Variants in SRD5A3 observed in about 807,000 individuals in gnomAD.
The protein encoded by SRD5A3 is steroid 5 alpha-reductase 3.
Under a neutral mutation model 34.3 loss-of-function variants are expected in SRD5A3, and 24 were observed. The ratio of observed to expected loss-of-function variants is 0.70; its 90% CI spans 0.51 to 0.99. The LOEUF is 0.99. SRD5A3 is among the 50% of genes least tolerant of loss of function. The probability of loss-of-function intolerance (pLI) is 0.00; values close to 1 mark genes in which losing one functional copy is unlikely to be tolerated. For missense variants in SRD5A3, 350 were observed against 388.2 expected, an observed-to-expected ratio of 0.90 and a Z score of 0.83; for synonymous variants, 161 against 167.3, an observed-to-expected ratio of 0.96 and a Z score of 0.29.
At position 55,372,102 on chromosome 4, in the gene SRD5A3, T is replaced by C. The variant is rs1270295479; in HGVS notation, c.*2011T>C. 1 of 152,250 alleles carries C rather than the reference T, an allele frequency of 6.6e-6. No homozygotes were observed. The highest frequency in any genetic ancestry group is 2.1e-4 in the South Asian group (1 of 4,834). The allele number at this position is 152,250 out of a possible 1,614,324, so 9.4% of individuals were successfully genotyped here. Reference sequence around the variant, plus strand: ...TTTACTTATCATTTAGAATTTGCCATTCTCAGGAACAAAACTTTTTGTACA... The same window carrying C: ...TTTACTTATCATTTAGAATTTGCCACTCTCAGGAACAAAACTTTTTGTACA... On this transcript the variant is annotated 3_prime_UTR_variant, in exon 5 of 5. Coordinates refer to ENST00000264228, the MANE Select transcript of SRD5A3 (RefSeq NM_024592.5).
chr4:55,351,950 C>T (rs976606399), intron 1 of SRD5A3: 2 of 734,212 alleles, frequency 2.7e-6, no homozygotes, highest in Admixed American at 1.7e-5. Context: ...CAATATAAAA[C>T]TTATGCTGAA....
intron 1 of SRD5A3, among the ~76,000 whole-genome samples, chr4:55,351,374 G>T (rs1719186429): frequency 6.6e-6 from 1 of 152,014 alleles, no homozygotes. Context: ...GTCTGGCCTG[G>T]CCTAACATTT....
Position 55,372,985 on chromosome 4 carries a change from A to G in SRD5A3, c.*2894A>G, listed in dbSNP as rs1720178554. 1 of 152,084 alleles carries G rather than the reference A, an allele frequency of 6.6e-6. No individual in the cohort carries two copies. 9.4% of individuals were successfully genotyped at this position (152,084 alleles called of 1,614,324 possible). On this transcript the variant is annotated 3_prime_UTR_variant, in exon 5 of 5. Coordinates refer to ENST00000264228, the MANE Select transcript of SRD5A3 (RefSeq NM_024592.5). ...TATTTTTGTATGTAGCTTAATAGAT[A>G]TTTAGTTTAAGGAGACTGCAACATT... is the stretch of plus-strand genomic sequence containing the variant.
Position 55,369,989 on chromosome 4 carries a change from CT to C in SRD5A3, c.858del (p.Phe286LeufsTer67). ...GGTGGCTAGTGGTGACAAATGTCTT[CT>C]TTAATCAGGCCCTGTCTGCCTTTCT... Reference protein sequence around the residue: ...TWWLVVTNVFFNQALSAFLSH... With the variant: ...TWWLVVTNVFXNQALSAFLSH... On this transcript the variant is annotated frameshift_variant, in exon 5 of 5. Coordinates refer to ENST00000264228, the MANE Select transcript of SRD5A3 (RefSeq NM_024592.5). LOFTEE classifies it high-confidence loss of function. 1 of 1,614,152 alleles carries C rather than the reference CT, an allele frequency of 6.2e-7. No individual in the cohort carries two copies.
intron 1 of SRD5A3, among the ~76,000 whole-genome samples, chr4:55,358,665 C>T (rs1719565547): frequency 6.6e-6 from 1 of 151,598 alleles, no homozygotes; most frequent in East Asian, 1.9e-4. Flanking sequence ...TCGCTAATTT[C>T]AATTGCATTG....
chr4:55,346,401 T>G lies in SRD5A3; in HGVS notation c.65T>G (p.Leu22Arg), dbSNP rs751941236. ...CCGCTGCGCGCGGTGTGGCTCACGC[T>G]GACCGCCGCCTTCCTGCTGACCCTA... ...LNPLRAVWLTLTAAFLLTLLL... is the reference protein window; with the variant it reads ...LNPLRAVWLTRTAAFLLTLLL... Residue 22 changes from leucine to arginine, a missense_variant, in exon 1 of 5, where the codon CTG becomes CGG. By Grantham distance (102) the Leu-to-Arg change is moderately radical. Coordinates refer to ENST00000264228, the MANE Select transcript of SRD5A3 (RefSeq NM_024592.5). The G allele has an allele frequency of 3.1e-6, 5 of 1,589,102 alleles. No homozygotes were observed. In the Admixed American group the frequency reaches 6.9e-5, roughly 22 times the overall value.
At chr4:55,354,825 T>TGCGTGCGC (rs1719380334) in intron 1 of SRD5A3, among the ~76,000 whole-genome samples, 1 of 151,272 alleles carries the variant, frequency 6.6e-6, no homozygotes, top group Admixed American at 6.8e-5. Flanking sequence ...TGTGCGCGCG[T>TGCGTGCGC]GCGTGCGCGC....
intron 1 of SRD5A3, among the ~76,000 whole-genome samples, chr4:55,353,691 C>A (rs1719302762): frequency 6.6e-6 from 1 of 152,108 alleles, no homozygotes; most frequent in Admixed American, 6.6e-5. Context: ...CACGAACCCA[C>A]CTGGAGGAAC....
rs1720069529 is a variant in SRD5A3 at position 55,370,212 on chromosome 4, T to TACCCC, written c.*124_*128dup. 15 of 1,356,716 alleles carry TACCCC rather than the reference T, an allele frequency of 1.1e-5. No individual in the cohort carries two copies. The highest frequency in any genetic ancestry group is 1.7e-5 in the Admixed American group (1 of 58,472). 84.0% of individuals were successfully genotyped at this position (1,356,716 alleles called of 1,614,324 possible). A position where few individuals can be genotyped will look rare whatever the true frequency, so the allele number is the denominator to read the frequency against. ...TTTGAAACTCTCCATTCCATTTCTATACCCCACAAGTTTTCACTGAATGAG... is the reference window on the plus strand; with the variant it reads ...TTTGAAACTCTCCATTCCATTTCTATACCCCACCCCACAAGTTTTCACTGAATGAG... On this transcript the variant is annotated 3_prime_UTR_variant, in exon 5 of 5. Transcript: ENST00000264228.
At chr4:55,355,225 G>A (rs554660008) in intron 1 of SRD5A3, among the ~76,000 whole-genome samples, 11 of 152,254 alleles carry the variant, frequency 7.2e-5, no homozygotes, top group African/African-American at 2.2e-4. Context: ...TTGGGAGGCC[G>A]AGGCGGGTGG....
intron 4 of SRD5A3, among the ~76,000 whole-genome samples, chr4:55,369,288 C>T (rs1165981874): frequency 6.6e-6 from 1 of 152,184 alleles, no homozygotes; most frequent in African/African-American, 2.4e-5. Context: ...TAATTACTAG[C>T]TTGGAGGATT....
chr4:55,364,364 A>G, intron 3 of SRD5A3, 93 bp downstream of exon 3: 1 of 1,393,636 alleles, frequency 7.2e-7, no homozygotes, highest in Non-Finnish European at 1.0e-6. Context: ...TGAGACATGC[A>G]GAAGTAAGAG....
At position 55,367,658 on chromosome 4, in the gene SRD5A3, C is replaced by G. The variant is rs142711275; in HGVS notation, c.633C>G (p.Ile211Met). ...WFHILGMMMFIWSSAHQYKCH... is the reference protein window; with the variant it reads ...WFHILGMMMFMWSSAHQYKCH... ...ATATTCTTGGGATGATGATGTTCATCTGGTCATCTGCCCATCAGTATAAGT... is the reference window on the plus strand; with the variant it reads ...ATATTCTTGGGATGATGATGTTCATGTGGTCATCTGCCCATCAGTATAAGT... The change falls in exon 4 of 5, where the codon ATC becomes ATG. Residue 211 changes from isoleucine to methionine, a missense_variant. Transcript: ENST00000264228. 1.9e-5 allele frequency: 31 copies of G among 1,613,966 alleles called. No homozygotes were observed. The African/African-American group carries it at 3.7e-4, about 19-fold the overall frequency.
rs1359794416 is a variant in SRD5A3, at chr4:55,372,066, GC to G, written c.*1977del. On this transcript the variant is annotated 3_prime_UTR_variant, in exon 5 of 5. Transcript: ENST00000264228. The stretch of plus-strand genomic sequence containing the variant: ...TGTGGCTCAGTCTACTTAAATAAAT[GC>G]CATATTTATTTTACTTATCATTTAG... 6.0e-4 allele frequency: 91 copies of G among 152,226 alleles called. 1 individual carries two copies. The highest frequency in any genetic ancestry group is 2.0e-3 in the African/African-American group (84 of 41,522). 9.4% of individuals were successfully genotyped at this position (152,226 alleles called of 1,614,324 possible). A position where few individuals can be genotyped will look rare whatever the true frequency, so the allele number is the denominator to read the frequency against.
At chr4:55,363,943 C>T (rs1719779938) in intron 2 of SRD5A3, 131 bp from the exon 3 acceptor site, 2 of 917,884 alleles carry the variant, frequency 2.2e-6, no homozygotes, top group Non-Finnish European at 3.6e-6. Context: ...TTCATTTGGC[C>T]CATTTCTTCC....
intron 1 of SRD5A3, among the ~76,000 whole-genome samples, chr4:55,353,555 G>T (rs949327634): frequency 4.6e-5 from 7 of 152,226 alleles, no homozygotes; most frequent in African/African-American, 1.7e-4. Context: ...CTACCCTGTG[G>T]AGGCTGTATT....
Position 55,359,382 on chromosome 4 carries a change from G to A in SRD5A3, c.258G>A (p.Trp86Ter), listed in dbSNP as rs757095112. 2 of 1,613,810 alleles carry A rather than the reference G, an allele frequency of 1.2e-6. No individual in the cohort carries two copies. The highest frequency in any genetic ancestry group is 2.7e-5 in the African/African-American group (2 of 74,842). ...ACTTTTATATCATCTCAGTGCTGTG[G>A]AATGGCTTCCTGCTTTGGTGCCTTA... ...FSHFYIISVL[W>*]NGFLLWCLTQ... Residue 86 changes from tryptophan (W) to a stop codon, truncating the protein, a stop_gained, in exon 2 of 5, where the codon TGG becomes TGA. Transcript: ENST00000264228. LOFTEE classifies it high-confidence loss of function.
intron 1 of SRD5A3, among the ~76,000 whole-genome samples, chr4:55,357,304 G>A (rs1284823613): frequency 6.6e-6 from 1 of 152,198 alleles, no homozygotes; most frequent in South Asian, 2.1e-4. Flanking sequence ...CAACACATTC[G>A]AAGTGCTCAG....
At chr4:55,362,659 G>A (rs1484052139) in intron 2 of SRD5A3, among the ~76,000 whole-genome samples, 1 of 136,510 alleles carries the variant, frequency 7.3e-6, no homozygotes, top group African/African-American at 2.6e-5. Flanking sequence ...GGTACCTGCT[G>A]TGTTGCCCAG....
Sources: gnomAD v4.1 joint callset for allele counts (sites outside exome capture counted in the v4.1 genomes callset) on GRCh38, gnomAD v4.1.1 for gene constraint, MANE v1.5 for transcripts, NCBI Gene and HGNC (gene_info 2026-07-23, HGNC 2026-07-21) for gene names.